The following INHBC variants were observed in gnomAD, a reference collection of about 807,000 sequenced individuals.
INHBC encodes inhibin subunit beta C, also known as inhibin beta C chain.
INHBC carries 10 observed loss-of-function variants against 12.4 expected under a neutral mutation model. The observed-to-expected ratio is 0.81, with a 90% CI of 0.50 to 1.37. The LOEUF is 1.37. INHBC is among the 40% of genes most tolerant of loss of function. INHBC has a pLI of 0.00. For missense variants in INHBC, 382 were observed against 439.4 expected, an observed-to-expected ratio of 0.87 and a Z score of 1.17; for synonymous variants, 147 against 171.6, an observed-to-expected ratio of 0.86 and a Z score of 1.12.
At chr12:57,444,247 G>C (rs561658624) in intron 1 of INHBC, among the ~76,000 whole-genome samples, 4 of 151,692 alleles carry the variant, frequency 2.6e-5, no homozygotes, top group African/African-American at 9.7e-5. Flanking sequence ...ACAAATGAAC[G>C]AAGAACCACA....
Position 57,434,978 on chromosome 12 carries a change from G to A in INHBC, c.92G>A (p.Gly31Glu), listed in dbSNP as rs770319958. 4 of 1,614,162 alleles carry A rather than the reference G, an allele frequency of 2.5e-6. No individual in the cohort carries two copies. The highest frequency in any genetic ancestry group is 3.4e-6 in the Non-Finnish European group (4 of 1,180,036). The change falls in exon 1 of 2, where the codon GGG (glycine) becomes GAG (glutamate). Residue 31 changes from glycine to glutamate, a missense_variant. Physicochemically the swap from Gly to Glu is moderately conservative, Grantham distance 98. Coordinates refer to ENST00000309668, the MANE Select transcript of INHBC (RefSeq NM_005538.4). The stretch of plus-strand genomic sequence containing the variant: ...GGCGGTCAGTGTCCAGCATGTGGGG[G>A]GCCCACCTTGGAACTGGAGAGCCAG... ...RAGGQCPACGGPTLELESQRE... is the reference protein window; with the variant it reads ...RAGGQCPACGEPTLELESQRE...
Position 57,449,428 on chromosome 12 carries a change from G to A in INHBC, c.465G>A (p.Leu155=). ...TWTLKVRVLV[L]GPHNTNLTLA... Reference sequence around the variant, plus strand: ...CCTTGAAAGTGAGAGTCCTTGTGCTGGGTCCACATAATACCAACCTCACCT... The same window carrying A: ...CCTTGAAAGTGAGAGTCCTTGTGCTAGGTCCACATAATACCAACCTCACCT... The change falls in exon 2 of 2, where the codon CTG becomes CTA. Residue 155 remains leucine, a synonymous_variant. Coordinates refer to ENST00000309668, the MANE Select transcript of INHBC (RefSeq NM_005538.4). 1 of 1,614,184 alleles carries A rather than the reference G, an allele frequency of 6.2e-7. No homozygotes were observed. Among genetic ancestry groups the A allele is most frequent in the Non-Finnish European group, 8.5e-7 (1 of 1,180,036 alleles).
intron 1 of INHBC, among the ~76,000 whole-genome samples, chr12:57,447,087 T>C (rs915150199): frequency 3.3e-5 from 5 of 152,022 alleles, no homozygotes; most frequent in African/African-American, 9.7e-5. Flanking sequence ...TAAGAGGAAA[T>C]TGGGCAGTAG....
intron 1 of INHBC, among the ~76,000 whole-genome samples, chr12:57,437,601 G>T (rs1870370653): frequency 6.7e-6 from 1 of 149,306 alleles, no homozygotes; most frequent in African/African-American, 2.5e-5. Flanking sequence ...GACCCAGGAG[G>T]TGGAGCTAGC....
intron 1 of INHBC, among the ~76,000 whole-genome samples, chr12:57,448,467 G>C (rs1870635677): frequency 1.3e-5 from 2 of 151,818 alleles, no homozygotes; most frequent in African/African-American, 4.8e-5. Flanking sequence ...TATTCAGGAG[G>C]CTGAGGCAGA....
intron 1 of INHBC, among the ~76,000 whole-genome samples, chr12:57,436,483 T>C (rs1870344188): frequency 6.9e-6 from 1 of 144,012 alleles, no homozygotes; most frequent in African/African-American, 2.6e-5. Flanking sequence ...CTTTTTTTTT[T>C]TTTTTTTTTG....
chr12:57,446,792 G>A lies in INHBC; in HGVS notation c.314-2485G>A, dbSNP rs141698040. 5.0e-4 allele frequency among the ~76,000 whole-genome samples: 76 copies of A among 152,176 alleles called. 1 individual carries two copies. Among genetic ancestry groups the A allele is most frequent in the African/African-American group, 1.7e-3 (70 of 41,516 alleles). On this transcript the variant is annotated intron_variant, in intron 1 of 1. Coordinates refer to ENST00000309668, the MANE Select transcript of INHBC (RefSeq NM_005538.4). ...TTCTGGGACAAGTGTGAGCCACCAC[G>A]CCTGGCCTGACTTCCAACATTTAAA...
In INHBC at chr12:57,434,968, G is replaced by T. The variant is rs200848237; in HGVS notation, c.82G>T (p.Ala28Ser). The change falls in exon 1 of 2, where the codon GCA (alanine) becomes TCA (serine). Residue 28 changes from alanine (A) to serine (S), a missense_variant. Physicochemically the swap from Ala to Ser is moderately conservative, Grantham distance 99. Transcript: ENST00000309668. The part of the protein sequence containing the change: ...ATPRAGGQCP[A>S]CGGPTLELES... ...TCCCAGAGCTGGCGGTCAGTGTCCA[G>T]CATGTGGGGGGCCCACCTTGGAACT... 1.2e-6 allele frequency: 2 copies of T among 1,614,228 alleles called. No homozygotes were observed. Among genetic ancestry groups the T allele is most frequent in the African/African-American group, 2.7e-5 (2 of 75,072 alleles).
At chr12:57,440,590 C>A (rs1870442726) in intron 1 of INHBC, among the ~76,000 whole-genome samples, 1 of 152,040 alleles carries the variant, frequency 6.6e-6, no homozygotes, top group Non-Finnish European at 1.5e-5. Context: ...CTCAGCCTCC[C>A]AAAGTGCTGG....
At chr12:57,449,134 C>A in intron 1 of INHBC, 143 bp from the exon 2 acceptor site, 1 of 1,109,896 alleles carries the variant, frequency 9.0e-7, no homozygotes, top group Non-Finnish European at 1.3e-6. Context: ...GTCCAATTTC[C>A]AGCACATGAA....
rs777492746 is a variant in INHBC at position 57,434,903 on chromosome 12, T to C, written c.17T>C (p.Leu6Pro). The change falls in exon 1 of 2, where the codon CTT becomes CCT. Residue 6 changes from leucine (L) to proline (P), a missense_variant. Coordinates refer to ENST00000309668, the MANE Select transcript of INHBC (RefSeq NM_005538.4). ...TCCCCAGCAATGACCTCCTCATTGC[T>C]TCTGGCCTTTCTCCTCCTGGCTCCA... MTSSLLLAFLLLAPTT... is the reference protein window; with the variant it reads MTSSLPLAFLLLAPTT... 2 of 1,613,174 alleles carry C rather than the reference T, an allele frequency of 1.2e-6. No homozygotes were observed. Among genetic ancestry groups the C allele is most frequent in the South Asian group, 2.2e-5 (2 of 91,054 alleles).
chr12:57,444,725 C>CTAGA (rs1870540070), intron 1 of INHBC, among the ~76,000 whole-genome samples: 1 of 152,034 alleles, frequency 6.6e-6, no homozygotes, highest in South Asian at 2.1e-4. Context: ...GTTGCCCAGG[C>CTAGA]TAGAGTGCAG....
intron 1 of INHBC, among the ~76,000 whole-genome samples, chr12:57,444,673 G>A (rs112038187): frequency 7.3e-5 from 11 of 151,716 alleles, no homozygotes; most frequent in African/African-American, 1.4e-4. Context: ...ATTTTATTAC[G>A]TTTTATTCTA....
At chr12:57,447,470 CCA>C (rs1870603679) in intron 1 of INHBC, among the ~76,000 whole-genome samples, 1 of 151,654 alleles carries the variant, frequency 6.6e-6, no homozygotes, top group African/African-American at 2.4e-5. Context: ...CAGACGTGAG[CCA>C]CCACGCCTAG....
chr12:57,435,115 C>A lies in INHBC; in HGVS notation c.229C>A (p.Gln77Lys), dbSNP rs764896315. ...CAGAGCTGCTTTGAGGACTGCACTG[C>A]AGCACCTCCACGGGGTCCCACAGGG... ...VSRAALRTAL[Q>K]HLHGVPQGAL... Residue 77 changes from glutamine to lysine, a missense_variant, in exon 1 of 2, where the codon CAG becomes AAG. Coordinates refer to ENST00000309668, the MANE Select transcript of INHBC (RefSeq NM_005538.4). 5.6e-6 allele frequency: 9 copies of A among 1,614,206 alleles called. No individual in the cohort carries two copies. The Admixed American group carries it at 1.2e-4, about 21-fold the overall frequency.
At chr12:57,435,842 A>G (rs1870324121) in intron 1 of INHBC, among the ~76,000 whole-genome samples, 1 of 150,782 alleles carries the variant, frequency 6.6e-6, no homozygotes, top group African/African-American at 2.4e-5. Flanking sequence ...CAACATAGCA[A>G]GACCCTTTTT....
At chr12:57,446,988 G>A (rs1024035303) in intron 1 of INHBC, among the ~76,000 whole-genome samples, 7 of 152,184 alleles carry the variant, frequency 4.6e-5, no homozygotes, top group African/African-American at 1.7e-4. Flanking sequence ...CTTTGTGGAA[G>A]GTGTTGGTGA....
At chr12:57,437,342 G>A (rs971990410) in intron 1 of INHBC, among the ~76,000 whole-genome samples, 1 of 152,168 alleles carries the variant, frequency 6.6e-6, no homozygotes, top group Non-Finnish European at 1.5e-5. Flanking sequence ...TATATAGTGA[G>A]CAGATCAGGA....
rs181334902 is a variant in INHBC, at chr12:57,447,232, T to C, written c.314-2045T>C. ...CGGAGCCTCGCTCTGTCTCTCAGGA[T>C]GGAGTGCAATGGTGTGGTCTTGGCT... On this transcript the variant is annotated intron_variant, in intron 1 of 1. Transcript: ENST00000309668. 4.3e-4 allele frequency among the ~76,000 whole-genome samples: 65 copies of C among 152,220 alleles called. 1 individual carries two copies. Among genetic ancestry groups the C allele is most frequent in the African/African-American group, 1.5e-3 (63 of 41,554 alleles).
Sources: allele counts gnomAD v4.1 joint callset (sites outside exome capture counted in the v4.1 genomes callset), GRCh38; gene constraint gnomAD v4.1.1; transcripts MANE v1.5; gene names NCBI Gene and HGNC (gene_info 2026-07-23, HGNC 2026-07-21).